Variants in LBHD1 observed in about 807,000 individuals in gnomAD.
LBHD1 encodes LBH domain-containing protein 1.
Under a neutral mutation model 31.1 loss-of-function variants are expected in LBHD1, and 28 were observed. The ratio of observed to expected loss-of-function variants is 0.90; its 90% confidence interval spans 0.67 to 1.24. The LOEUF (loss-of-function observed/expected upper bound fraction) is 1.24. Ranked by LOEUF, LBHD1 falls within the 50% of genes most tolerant of loss-of-function variation. LBHD1 has a pLI of 0.00. For missense variants in LBHD1, 350 were observed against 323.0 expected (o/e 1.08, Z -0.64); for synonymous variants, 105 against 116.5 (o/e 0.90, Z 0.63).
chr11:62,665,308 AGGCCTTT>A, intron 4 of LBHD1: 1 of 713,192 alleles, frequency 1.4e-6, no homozygotes, highest in Non-Finnish European at 2.4e-6. Context: ...GCGGTGCGGG[AGGCCTTT>A]CGGAGGGTGG....
rs1327108545 is a variant in LBHD1 at position 62,666,319 on chromosome 11, A to G, written c.538+1204T>C. The G allele has an allele frequency of 3.4e-6, 5 of 1,491,854 alleles. No individual in the cohort carries two copies. In the East Asian group the frequency reaches 1.1e-4, roughly 34 times the overall value. The allele number at this position is 1,491,854 out of a possible 1,614,324, so 92.4% of individuals were successfully genotyped here. On this transcript the variant is annotated intron_variant, in intron 4 of 6. Transcript: ENST00000354588. Reference sequence around the variant, plus strand: ...AGTGAGACCCTGTCTCAAAAAAAAAAAAGACGCCAGTGTGTATATACGACG... The same window carrying G: ...AGTGAGACCCTGTCTCAAAAAAAAAGAAGACGCCAGTGTGTATATACGACG...
At chr11:62,665,304 C>A (rs1011805368) in intron 4 of LBHD1, 1 of 712,634 alleles carries the variant, frequency 1.4e-6, no homozygotes, top group Non-Finnish European at 2.4e-6. Flanking sequence ...CTCCGCGGTG[C>A]GGGAGGCCTT....
chr11:62,667,960 C>T (rs1944863695), intron 3 of LBHD1: 1 of 501,504 alleles, frequency 2.0e-6, no homozygotes, highest in Non-Finnish European at 3.6e-6. Flanking sequence ...TCCAACTACT[C>T]AGGAGGCTGA....
rs772905672 is a variant in LBHD1 at position 62,669,617 on chromosome 11, C to T, written c.313+24G>A. On this transcript the variant is annotated intron_variant, in intron 3 of 6. Coordinates refer to ENST00000354588, the MANE Select transcript of LBHD1 (RefSeq NM_024099.5). ...CCAGAACATTCAGCTCACAGTGGCC[C>T]CCTGAATGAGCCACCTCCCTCACCT... 12 of 1,600,596 alleles carry T rather than the reference C, an allele frequency of 7.5e-6. No homozygotes were observed. In the African/African-American group the frequency reaches 1.2e-4, roughly 16 times the overall value.
Position 62,663,056 on chromosome 11 carries a change from C to T in LBHD1, c.*73G>A, listed in dbSNP as rs1381200972. On this transcript the variant is annotated 3_prime_UTR_variant, in exon 7 of 7. Transcript: ENST00000354588. Reference sequence around the variant, plus strand: ...ATCTTCTAGTGGAAGAGGTTTAGCTCTCATCTTCAAGGTCCTTCATTTCTA... The same window carrying T: ...ATCTTCTAGTGGAAGAGGTTTAGCTTTCATCTTCAAGGTCCTTCATTTCTA... 1 of 1,585,756 alleles carries T rather than the reference C, an allele frequency of 6.3e-7. No individual in the cohort carries two copies. The highest frequency in any genetic ancestry group is 8.6e-7 in the Non-Finnish European group (1 of 1,156,470).
At chr11:62,664,326 C>CTTTTTTTTTTTTTTTTTTTTTTTTT (rs35917869) in intron 5 of LBHD1, among the ~76,000 whole-genome samples, 1 of 77,438 alleles carries the variant, frequency 1.3e-5, no homozygotes, top group African/African-American at 5.7e-5. Context: ...TCCTGATATT[C>CTTTTTTTTTTTTTTTTTTTTTTTTT]TTTTTTTTTT....
chr11:62,665,737 G>A (rs2134620516), intron 4 of LBHD1: 1 of 1,473,800 alleles, frequency 6.8e-7, no homozygotes, highest in Non-Finnish European at 9.0e-7. Flanking sequence ...CTTTTTTCCG[G>A]GACTGCAGAG....
Position 62,663,067 on chromosome 11 carries a change from G to A in LBHD1, c.*62C>T, listed in dbSNP as rs1261576691. Reference sequence around the variant, plus strand: ...GAAGAGGTTTAGCTCTCATCTTCAAGGTCCTTCATTTCTACATCCTGGGGG... The same window carrying A: ...GAAGAGGTTTAGCTCTCATCTTCAAAGTCCTTCATTTCTACATCCTGGGGG... On this transcript the variant is annotated 3_prime_UTR_variant, in exon 7 of 7. Coordinates refer to ENST00000354588, the MANE Select transcript of LBHD1 (RefSeq NM_024099.5). 2.5e-6 allele frequency: 4 copies of A among 1,596,674 alleles called. No individual in the cohort carries two copies. The highest frequency in any genetic ancestry group is 3.4e-6 in the Non-Finnish European group (4 of 1,165,794).
At position 62,664,809 on chromosome 11, in the gene LBHD1, T is replaced by C. The variant is rs1008867839; in HGVS notation, c.663+40A>G. On this transcript the variant is annotated intron_variant, in intron 5 of 6. Coordinates refer to ENST00000354588, the MANE Select transcript of LBHD1 (RefSeq NM_024099.5). ...GAGCTCTGCAGGGAGGAAGGAAGAC[T>C]CGGTGGGGACGACCAACAGGAAGAG... 4 of 1,550,418 alleles carry C rather than the reference T, an allele frequency of 2.6e-6. No homozygotes were observed. The African/African-American group carries it at 4.1e-5, about 16-fold the overall frequency.
At chr11:62,663,841 G>A (rs1944718706) in intron 5 of LBHD1, among the ~76,000 whole-genome samples, 2 of 151,824 alleles carry the variant, frequency 1.3e-5, no homozygotes, top group Admixed American at 1.3e-4. Context: ...GGGAGGCTGA[G>A]GTGGGCGGAT....
chr11:62,671,712 TC>T lies in LBHD1; in HGVS notation c.-160del. 6.2e-7 allele frequency: 1 copy of T among 1,608,450 alleles called. No homozygotes were observed. Among genetic ancestry groups the T allele is most frequent in the African/African-American group, 1.3e-5 (1 of 74,938 alleles). ...GCAACAGCTTGCGGCTGCGGGGAGC[TC>T]CCGTGGGCGCTCCGCTGGCTGTGCA... On this transcript the variant is annotated 5_prime_UTR_variant, in exon 1 of 7. An upstream open reading frame in the 5' UTR gains an earlier in-frame stop. Transcript: ENST00000354588.
At chr11:62,665,637 T>G (rs2134619600) in intron 4 of LBHD1, 2 of 1,521,536 alleles carry the variant, frequency 1.3e-6, no homozygotes, top group African/African-American at 2.7e-5. Flanking sequence ...ACTTTCTCAT[T>G]TGATTTCAGG....
rs200807075 is a variant in LBHD1, at chr11:62,667,765, A to G, written c.314-18T>C. On this transcript the variant is annotated intron_variant, in intron 3 of 6. Transcript: ENST00000354588. The stretch of plus-strand genomic sequence containing the variant: ...AGCCCAGCCTGGGATGGAGGAAGAG[A>G]GGGGACAAAAATATTACTGATATAT... 1 of 1,526,540 alleles carries G rather than the reference A, an allele frequency of 6.6e-7. No homozygotes were observed. Among genetic ancestry groups the G allele is most frequent in the Non-Finnish European group, 9.0e-7 (1 of 1,106,498 alleles). The allele number at this position is 1,526,540 out of a possible 1,614,324, so 94.6% of individuals were successfully genotyped here.
rs187025995 is a variant in LBHD1, at chr11:62,669,912, A to C, written c.120T>G (p.Ile40Met). ...LPNPLWDRGK[I>M]GKVEGHQHIQ... ...TGTGCTGGTGACCTTCAACCTTGCC[A>C]ATTTTTCCTCTGTCCCAGAGAGGGT... is the stretch of plus-strand genomic sequence containing the variant. The change falls in exon 2 of 7, where the codon ATT becomes ATG. Residue 40 changes from isoleucine to methionine, a missense_variant. Physicochemically the swap from Ile to Met is conservative, Grantham distance 10. Transcript: ENST00000354588. 2 of 1,614,152 alleles carry C rather than the reference A, an allele frequency of 1.2e-6. No homozygotes were observed. Among genetic ancestry groups the C allele is most frequent in the Non-Finnish European group, 8.5e-7 (1 of 1,180,030 alleles).
Position 62,667,544 on chromosome 11 carries a change from G to A in LBHD1, c.517C>T (p.Leu173=). ...TTACCCTCAAAGCTATTAGGAGGCA[G>A]GAGATGGGAATATTCCACAAAGCCA... ...RSGFVEYSHL[L]PPNSFEGAEE... The change falls in exon 4 of 7, where the codon CTG becomes TTG. Residue 173 remains leucine (L), a synonymous_variant. Coordinates refer to ENST00000354588, the MANE Select transcript of LBHD1 (RefSeq NM_024099.5). The A allele has an allele frequency of 1.9e-6, 3 of 1,614,164 alleles. No individual in the cohort carries two copies. The highest frequency in any genetic ancestry group is 2.2e-5 in the South Asian group (2 of 91,086).
At chr11:62,665,164 TC>T in intron 4 of LBHD1, 191 bp from the exon 5 acceptor site, 1 of 899,030 alleles carries the variant, frequency 1.1e-6, no homozygotes, top group Non-Finnish European at 1.8e-6. Flanking sequence ...CCCCCGGAGC[TC>T]CCATAGTCGC....
At chr11:62,669,285 G>A (rs1486543966) in intron 3 of LBHD1, 4 of 555,516 alleles carry the variant, frequency 7.2e-6, no homozygotes, top group African/African-American at 4.1e-5. Flanking sequence ...AAGACTGGCC[G>A]GCTTGGGAGG....
At chr11:62,663,355 A>G in intron 5 of LBHD1, 22 bp from the exon 6 acceptor site, 1 of 1,610,878 alleles carries the variant, frequency 6.2e-7, no homozygotes, top group Non-Finnish European at 8.5e-7. Flanking sequence ...GTGGAAATAA[A>G]GAGAGCTAGG....
intron 4 of LBHD1, chr11:62,665,934 C>A: frequency 6.2e-7 from 1 of 1,612,250 alleles, no homozygotes; most frequent in Non-Finnish European, 8.5e-7. Context: ...GGGGACGTGC[C>A]GCCCCTTTGC....
Sources: allele counts gnomAD v4.1 joint callset (sites outside exome capture counted in the v4.1 genomes callset), GRCh38; gene constraint gnomAD v4.1.1; transcripts MANE v1.5; gene names NCBI Gene and HGNC (gene_info 2026-07-23, HGNC 2026-07-21).